CYP2J2: variants seen among roughly 807,000 people sequenced by gnomAD.
CYP2J2 encodes the protein cytochrome P450 family 2 subfamily J member 2.
Under a neutral mutation model 48.8 loss-of-function variants are expected in CYP2J2, and 41 were observed. The observed-to-expected ratio is 0.84, with a 90% CI of 0.66 to 1.09. The LOEUF (loss-of-function observed/expected upper bound fraction) is 1.09, where lower values mean the gene tolerates loss of function less well. Ranked by LOEUF, CYP2J2 falls within the 50% of genes least tolerant of loss-of-function variation. The probability of loss-of-function intolerance (pLI) is 0.00; values close to 1 mark genes in which losing one functional copy is unlikely to be tolerated. For synonymous variants in CYP2J2, 221 were observed against 227.1 expected (o/e 0.97, Z 0.24); for missense variants, 644 against 617.3 (o/e 1.04, Z -0.46).
chr1:59,907,093 T>C (rs1644371201), intron 6 of CYP2J2, among the ~76,000 whole-genome samples: 1 of 152,200 alleles, frequency 6.6e-6, no homozygotes, highest in Admixed American at 6.5e-5. Flanking sequence ...GTGGGGAAGC[T>C]ATATATAGAT....
the CYP2J2 span, among the ~76,000 whole-genome samples, chr1:59,942,644 G>T: frequency 1.3e-5 from 2 of 152,066 alleles, no homozygotes; most frequent in African/African-American, 4.8e-5. Flanking sequence ...CTGTAGGTGT[G>T]AGAGCAGAAG....
rs1212335157 is a variant in CYP2J2 at position 59,900,957 on chromosome 1, C to A, written c.1330+8G>T. The A allele has an allele frequency of 6.2e-7, 1 of 1,613,260 alleles. No homozygotes were observed. The highest frequency in any genetic ancestry group is 1.1e-5 in the South Asian group (1 of 91,030). On this transcript the variant is annotated splice_region_variant and intron_variant, in intron 8 of 8. Transcript: ENST00000371204. Reference sequence around the variant, plus strand: ...TGGACTCCCACACACCTGTTTACTACAACTTACCTATTGAGAAAGGCATAA... The same window carrying A: ...TGGACTCCCACACACCTGTTTACTAAAACTTACCTATTGAGAAAGGCATAA...
chr1:59,914,137 T>C (rs1434259385), intron 2 of CYP2J2, among the ~76,000 whole-genome samples: 1 of 152,252 alleles, frequency 6.6e-6, no homozygotes, highest in Non-Finnish European at 1.5e-5. Flanking sequence ...ATCCTGAACT[T>C]GACTTCATAA....
intron 1 of CYP2J2, among the ~76,000 whole-genome samples, chr1:59,919,238 T>A (rs1644492278): frequency 6.6e-6 from 1 of 152,230 alleles, no homozygotes; most frequent in African/African-American, 2.4e-5. Context: ...AATCTGGATG[T>A]TGTATTTTTA....
chr1:59,926,614 G>C lies in CYP2J2; in HGVS notation c.133C>G (p.Pro45Ala), dbSNP rs1644567448. 5 of 1,614,094 alleles carry C rather than the reference G, an allele frequency of 3.1e-6. No individual in the cohort carries two copies. Among genetic ancestry groups the C allele is most frequent in the Non-Finnish European group, 4.2e-6 (5 of 1,180,034 alleles). The change falls in exon 1 of 9, where the codon CCG becomes GCG. Residue 45 changes from proline to alanine, a missense_variant. By Grantham distance (27) the Pro-to-Ala change is conservative. Transcript: ENST00000371204. ...AGGAAGGGCAGGCGCCAGGGCCCCGGCGGGTAGTTCTTTGGGCGCCGTCTT... is the reference window on the plus strand; with the variant it reads ...AGGAAGGGCAGGCGCCAGGGCCCCGCCGGGTAGTTCTTTGGGCGCCGTCTT... ...LKRRRPKNYP[P>A]GPWRLPFLGN...
chr1:59,903,040 T>C (rs1023861931), intron 7 of CYP2J2, among the ~76,000 whole-genome samples: 2 of 152,186 alleles, frequency 1.3e-5, no homozygotes, highest in African/African-American at 4.8e-5. Context: ...CTGGTTTCCT[T>C]GAGTTAAATA....
At chr1:59,952,432 A>C in the CYP2J2 span, among the ~76,000 whole-genome samples, 1 of 151,560 alleles carries the variant, frequency 6.6e-6, no homozygotes, top group African/African-American at 2.4e-5. Flanking sequence ...ATTCAAGAGG[A>C]GGCATGGGAC....
At chr1:59,938,281 G>A in the CYP2J2 span, among the ~76,000 whole-genome samples, 22 of 152,326 alleles carry the variant, frequency 1.4e-4, no homozygotes, top group Non-Finnish European at 2.8e-4. Context: ...GGGAACTGGC[G>A]CTCAGCATGC....
the CYP2J2 span, among the ~76,000 whole-genome samples, chr1:59,932,701 T>C: frequency 2.0e-5 from 3 of 146,656 alleles, no homozygotes; most frequent in Non-Finnish European, 3.0e-5. Flanking sequence ...ATTTTCTTAT[T>C]CTATTTTTTT....
intron 1 of CYP2J2, among the ~76,000 whole-genome samples, chr1:59,917,109 T>C (rs903999720): frequency 6.6e-6 from 1 of 152,184 alleles, no homozygotes; most frequent in African/African-American, 2.4e-5. Flanking sequence ...GCTTTATTTT[T>C]TGAGCCTCAA....
chr1:59,914,102 A>G (rs1644443327), intron 2 of CYP2J2, among the ~76,000 whole-genome samples: 1 of 152,204 alleles, frequency 6.6e-6, no homozygotes, highest in Admixed American at 6.5e-5. Context: ...CTTTTTCTGC[A>G]TCCCAGGACT....
Position 59,893,460 on chromosome 1 carries a change from G to A in CYP2J2, c.*191C>T, listed in dbSNP as rs894698462. Reference sequence around the variant, plus strand: ...AAGGTAAATTATTTAGCATATAAATGATTTTCCCAAGGCTAATTCGGACGA... The same window carrying A: ...AAGGTAAATTATTTAGCATATAAATAATTTTCCCAAGGCTAATTCGGACGA... On this transcript the variant is annotated 3_prime_UTR_variant, in exon 9 of 9. Coordinates refer to ENST00000371204, the MANE Select transcript of CYP2J2 (RefSeq NM_000775.4). 3.7e-5 allele frequency: 18 copies of A among 483,664 alleles called. No individual in the cohort carries two copies. The highest frequency in any genetic ancestry group is 2.2e-4 in the African/African-American group (11 of 51,036). The allele number at this position is 483,664 out of a possible 1,614,324, so 30.0% of individuals were successfully genotyped here. A position where few individuals can be genotyped will look rare whatever the true frequency, so the allele number is the denominator to read the frequency against.
the CYP2J2 span, among the ~76,000 whole-genome samples, chr1:59,954,600 C>A: frequency 6.6e-6 from 1 of 151,066 alleles, no homozygotes; most frequent in African/African-American, 2.4e-5. Flanking sequence ...GGGGGGGATG[C>A]AAACCAAGCC....
the CYP2J2 span, among the ~76,000 whole-genome samples, chr1:59,951,811 C>A: frequency 6.6e-6 from 1 of 152,136 alleles, no homozygotes; most frequent in Non-Finnish European, 1.5e-5. Flanking sequence ...TAGCTTCTGG[C>A]CCTTGGTGTA....
At chr1:59,950,245 G>GCT in the CYP2J2 span, among the ~76,000 whole-genome samples, 11 of 152,172 alleles carry the variant, frequency 7.2e-5, no homozygotes, top group South Asian at 2.3e-3. Context: ...AGGAGACACT[G>GCT]CTCTTCTCCA....
At chr1:59,900,929 C>T in intron 8 of CYP2J2, 36 bp downstream of exon 8, 4 of 1,600,214 alleles carry the variant, frequency 2.5e-6, no homozygotes, top group Non-Finnish European at 3.4e-6. Flanking sequence ...GGGAGAGGGG[C>T]CCTGGACTCC....
chr1:59,947,378 AG>A, the CYP2J2 span, among the ~76,000 whole-genome samples: 1 of 152,214 alleles, frequency 6.6e-6, no homozygotes, highest in Admixed American at 6.5e-5. Context: ...CATTAACTGC[AG>A]AAAAAGTGCA....
Position 59,907,878 on chromosome 1 carries a change from C to A in CYP2J2, c.911G>T (p.Ser304Ile). Residue 304 changes from serine (S) to isoleucine (I), a missense_variant, in exon 6 of 9, where the codon AGC (serine) becomes ATC (isoleucine). By Grantham distance (142) the Ser-to-Ile change is moderately radical. Transcript: ENST00000371204. ...SSFHEENLIC[S>I]TLDLFFAGTE... ...TCCGGCAAAGAAGAGGTCCAGGGTG[C>A]TGCAGATGAGGTTTTCTTCATGGAA... The A allele has an allele frequency of 6.2e-7, 1 of 1,614,038 alleles. No homozygotes were observed. Among genetic ancestry groups the A allele is most frequent in the Non-Finnish European group, 8.5e-7 (1 of 1,179,904 alleles).
the CYP2J2 span, among the ~76,000 whole-genome samples, chr1:59,964,421 G>A: frequency 3.3e-5 from 5 of 152,084 alleles, no homozygotes; most frequent in African/African-American, 4.8e-5. Flanking sequence ...CTGCTTTTTC[G>A]CATTTTATGT....
Sources: gnomAD v4.1 joint callset for allele counts (sites outside exome capture counted in the v4.1 genomes callset) on GRCh38, gnomAD v4.1.1 for gene constraint, MANE v1.5 for transcripts, NCBI Gene and HGNC (gene_info 2026-07-23, HGNC 2026-07-21) for gene names.